Variants in CCDC80 observed in about 807,000 individuals in gnomAD.
CCDC80 encodes coiled-coil domain-containing protein 80.
A neutral mutation model predicts 78.7 loss-of-function variants in CCDC80; 49 were observed. That is an observed-to-expected ratio of 0.62 (90% CI 0.50 to 0.79). CCDC80 has a LOEUF of 0.79. CCDC80 is among the 30% of genes least tolerant of loss of function. CCDC80 has a pLI of 0.00. For missense variants in CCDC80, 1,205 were observed against 1,198.6 expected, an observed-to-expected ratio of 1.01 and a Z score of -0.08; for synonymous variants, 488 against 447.0, an observed-to-expected ratio of 1.09 and a Z score of -1.16.
chr3:112,611,994 G>A (rs1935639619), intron 5 of CCDC80, among the ~76,000 whole-genome samples: 1 of 151,482 alleles, frequency 6.6e-6, no homozygotes, highest in South Asian at 2.1e-4. Context: ...CCTGCCGCAA[G>A]GCTCGCCAAG....
intron 6 of CCDC80, among the ~76,000 whole-genome samples, chr3:112,607,692 A>G (rs181956401): frequency 1.3e-5 from 2 of 152,322 alleles, no homozygotes; most frequent in African/African-American, 4.8e-5. Context: ...AGGGTGAGAC[A>G]GGAGAATCAC....
chr3:112,616,877 A>G lies in CCDC80; in HGVS notation c.2173-19T>C. 6.2e-7 allele frequency: 1 copy of G among 1,610,660 alleles called. No homozygotes were observed. The highest frequency in any genetic ancestry group is 8.5e-7 in the Non-Finnish European group (1 of 1,178,952). On this transcript the variant is annotated intron_variant, in intron 4 of 7. Coordinates refer to ENST00000206423, the MANE Select transcript of CCDC80 (RefSeq NM_199511.3). ...AGTATTGCTGTTTAAGAAAAAACAG[A>G]ATGCATTTAATGTACAAGTGCATTT...
intron 1 of CCDC80, 57 bp from the exon 2 acceptor site, chr3:112,639,973 T>C: frequency 6.5e-7 from 1 of 1,530,412 alleles, no homozygotes; most frequent in Non-Finnish European, 8.8e-7. Flanking sequence ...GAAAGAAAAT[T>C]ATTTATCTGG....
At position 112,602,491 on chromosome 3, in the gene CCDC80, T is replaced by G. The variant is rs1201885669; in HGVS notation, c.*2926A>C. On this transcript the variant is annotated 3_prime_UTR_variant, in exon 8 of 8. Coordinates refer to ENST00000206423, the MANE Select transcript of CCDC80 (RefSeq NM_199511.3). ...AGCCTCTTATGCCAAACAACCAAGT[T>G]GTAAATGCAAAGGAAAAGTTCTTGA... The G allele has an allele frequency of 6.6e-6, 1 of 152,162 alleles. No individual in the cohort carries two copies. Among genetic ancestry groups the G allele is most frequent in the Non-Finnish European group, 1.5e-5 (1 of 68,024 alleles). The allele number at this position is 152,162 out of a possible 1,614,324, so 9.4% of individuals were successfully genotyped here. A position where few individuals can be genotyped will look rare whatever the true frequency, so the allele number is the denominator to read the frequency against.
At chr3:112,616,576 A>C in intron 5 of CCDC80, 134 bp downstream of exon 5, 1 of 972,246 alleles carries the variant, frequency 1.0e-6, no homozygotes, top group Admixed American at 2.2e-5. Context: ...CAGTGGCCAG[A>C]GATGGGTAGG....
At chr3:112,617,369 T>C (rs1240841984) in intron 4 of CCDC80, among the ~76,000 whole-genome samples, 1 of 152,236 alleles carries the variant, frequency 6.6e-6, no homozygotes, top group African/African-American at 2.4e-5. Flanking sequence ...TTCTCAGAAA[T>C]AAGTTGGGAT....
rs551565727 is a variant in CCDC80 at position 112,619,232 on chromosome 3, T to C, written c.2036-128A>G. 1.1e-3 allele frequency: 919 copies of C among 824,892 alleles called. 23 individuals carry two copies. The South Asian group carries it at 0.024, about 21-fold the overall frequency. The allele number at this position is 824,892 out of a possible 1,614,324, so 51.1% of individuals were successfully genotyped here. On this transcript the variant is annotated intron_variant, in intron 3 of 7. Coordinates refer to ENST00000206423, the MANE Select transcript of CCDC80 (RefSeq NM_199511.3). ...AGTTTTATATATTCAACTCACGTTGTGTTTGAACAAAAGTTTTCGGAGTAA... is the reference window on the plus strand; with the variant it reads ...AGTTTTATATATTCAACTCACGTTGCGTTTGAACAAAAGTTTTCGGAGTAA...
At chr3:112,615,259 T>A (rs1347613010) in intron 5 of CCDC80, among the ~76,000 whole-genome samples, 1 of 152,168 alleles carries the variant, frequency 6.6e-6, no homozygotes, top group Non-Finnish European at 1.5e-5. Flanking sequence ...ACTAATCATA[T>A]CCTTCTTAAT....
chr3:112,627,478 T>A (rs1936000684), intron 3 of CCDC80, among the ~76,000 whole-genome samples: 1 of 152,216 alleles, frequency 6.6e-6, no homozygotes, highest in African/African-American at 2.4e-5. Context: ...AGCTGGTGAG[T>A]ACGGCCCACA....
At position 112,597,299 on chromosome 3, in the gene CCDC80, A is replaced by C. The variant is rs1187528541; in HGVS notation, c.*8118T>G. Reference sequence around the variant, plus strand: ...TAAGTGGGTAAGAAAGAAAAAATAAAGGCAGAGCATAACGATGTCACCCAT... The same window carrying C: ...TAAGTGGGTAAGAAAGAAAAAATAACGGCAGAGCATAACGATGTCACCCAT... On this transcript the variant is annotated 3_prime_UTR_variant, in exon 8 of 8. Transcript: ENST00000206423. 6.6e-6 allele frequency: 1 copy of C among 152,226 alleles called. No homozygotes were observed. Among genetic ancestry groups the C allele is most frequent in the African/African-American group, 2.4e-5 (1 of 41,460 alleles). The allele number at this position is 152,226 out of a possible 1,614,324, so 9.4% of individuals were successfully genotyped here.
In CCDC80 at chr3:112,603,759, A is replaced by G. The variant is rs955543852; in HGVS notation, c.*1658T>C. On this transcript the variant is annotated 3_prime_UTR_variant, in exon 8 of 8. Transcript: ENST00000206423. ...AGTCATTTGCACTTTTCGTAAGACT[A>G]TAACTGTCACAGATTGTGATCCCGC... The G allele has an allele frequency of 1.3e-5, 2 of 152,072 alleles. No homozygotes were observed. Among genetic ancestry groups the G allele is most frequent in the Non-Finnish European group, 1.5e-5 (1 of 68,016 alleles). 9.4% of individuals were successfully genotyped at this position (152,072 alleles called of 1,614,324 possible).
At chr3:112,629,931 A>G in intron 3 of CCDC80, among the ~76,000 whole-genome samples, 182 bp downstream of exon 3, 1 of 152,236 alleles carries the variant, frequency 6.6e-6, no homozygotes, top group Non-Finnish European at 1.5e-5. Context: ...CTTAAAACTT[A>G]AACGAGAACC....
chr3:112,635,571 T>G (rs566514488), intron 2 of CCDC80, among the ~76,000 whole-genome samples: 11 of 152,372 alleles, frequency 7.2e-5, no homozygotes, highest in Non-Finnish European at 1.3e-4. Context: ...TGGTATCATG[T>G]CTATTTCATT....
chr3:112,612,981 A>G (rs1214948416), intron 5 of CCDC80, among the ~76,000 whole-genome samples: 2 of 151,998 alleles, frequency 1.3e-5, no homozygotes, highest in African/African-American at 4.8e-5. Context: ...GACCAGAATA[A>G]CTGACCCTAG....
In CCDC80 at chr3:112,639,625, C is replaced by A. The variant is rs773846822; in HGVS notation, c.281G>T (p.Arg94Leu). The part of the protein sequence containing the change: ...RLARPTEPPA[R>L]SDINGAAVRP... ...CACGGCGGCCCCATTGATGTCCGAG[C>A]GGGCTGGCGGCTCTGTTGGGCGAGC... The change falls in exon 2 of 8, where the codon CGC (arginine) becomes CTC (leucine). Residue 94 changes from arginine (R) to leucine (L), a missense_variant. By Grantham distance (102) the Arg-to-Leu change is moderately radical. Coordinates refer to ENST00000206423, the MANE Select transcript of CCDC80 (RefSeq NM_199511.3). The A allele has an allele frequency of 2.5e-5, 41 of 1,614,106 alleles. No homozygotes were observed. In the South Asian group the frequency reaches 4.0e-4, roughly 16 times the overall value.
At chr3:112,611,138 C>T (rs1042519573) in intron 5 of CCDC80, among the ~76,000 whole-genome samples, 1 of 152,158 alleles carries the variant, frequency 6.6e-6, no homozygotes, top group Non-Finnish European at 1.5e-5. Context: ...TGGTCTCGAT[C>T]TCCTGACCTG....
chr3:112,629,100 G>A (rs527644176), intron 3 of CCDC80, among the ~76,000 whole-genome samples: 24 of 152,048 alleles, frequency 1.6e-4, no homozygotes, highest in Non-Finnish European at 2.4e-4. Context: ...CACCAAGATC[G>A]TATGTCAGAA....
intron 4 of CCDC80, among the ~76,000 whole-genome samples, chr3:112,617,151 C>T (rs945814109): frequency 6.6e-6 from 1 of 152,156 alleles, no homozygotes; most frequent in African/African-American, 2.4e-5. Flanking sequence ...CACCTCTCTA[C>T]CTTTGGGACT....
chr3:112,630,132 T>C lies in CCDC80; in HGVS notation c.2016A>G (p.Lys672=). ...IFGPVNNSTM[K]IDHFQLDNEK... ...GAGAACCTAGCTGAAAGTGGTCGAT[T>C]TTCATGGTGCTGTTGTTGACAGGGC... is the stretch of plus-strand genomic sequence containing the variant. Residue 672 remains lysine (K), a synonymous_variant, in exon 3 of 8, where the codon AAA becomes AAG. Coordinates refer to ENST00000206423, the MANE Select transcript of CCDC80 (RefSeq NM_199511.3). 1 of 1,613,842 alleles carries C rather than the reference T, an allele frequency of 6.2e-7. No homozygotes were observed. The highest frequency in any genetic ancestry group is 8.5e-7 in the Non-Finnish European group (1 of 1,179,818).
Sources: allele counts gnomAD v4.1 joint callset (sites outside exome capture counted in the v4.1 genomes callset), GRCh38; gene constraint gnomAD v4.1.1; transcripts MANE v1.5; gene names NCBI Gene and HGNC (gene_info 2026-07-23, HGNC 2026-07-21).